ELOVL7: variants seen among roughly 807,000 people sequenced by gnomAD.
The protein encoded by ELOVL7 is very long chain fatty acid elongase 7.
In ELOVL7, 27 loss-of-function variants were observed where a neutral mutation model predicts 35.7. The observed-to-expected ratio is 0.76, with a 90% CI of 0.56 to 1.04. The LOEUF is 1.04. Among genes scored for constraint, ELOVL7 ranks in the 50% least tolerant of loss-of-function variants. ELOVL7 has a pLI of 0.00. For missense variants in ELOVL7, 327 were observed against 340.8 expected (o/e 0.96, Z 0.32); for synonymous variants, 113 against 114.6 (o/e 0.99, Z 0.09).
At chr5:60,768,294 C>T (rs1298497102) in intron 4 of ELOVL7, among the ~76,000 whole-genome samples, 1 of 152,134 alleles carries the variant, frequency 6.6e-6, no homozygotes, top group African/African-American at 2.4e-5. Flanking sequence ...ACACTTGGAT[C>T]TGAATCAGTC....
At chr5:60,771,059 T>G (rs1742555874) in intron 4 of ELOVL7, among the ~76,000 whole-genome samples, 1 of 152,174 alleles carries the variant, frequency 6.6e-6, no homozygotes, top group Non-Finnish European at 1.5e-5. Context: ...CAGGTCAGAA[T>G]GCATGTGGAG....
intron 8 of ELOVL7, 71 bp from the exon 9 acceptor site, chr5:60,754,904 T>A (rs1741444889): frequency 1.5e-6 from 2 of 1,311,978 alleles, no homozygotes; most frequent in Non-Finnish European, 1.1e-6. Flanking sequence ...TACCTATGTT[T>A]ATGCACTCCC....
At chr5:60,770,053 G>GAA (rs5868255) in intron 4 of ELOVL7, among the ~76,000 whole-genome samples, 37 of 126,396 alleles carry the variant, frequency 2.9e-4, no homozygotes, top group South Asian at 1.0e-3. Context: ...CCTTTCTGGT[G>GAA]AAAAAAAAAA....
chr5:60,841,232 G>A (rs1005773214), intron 1 of ELOVL7, among the ~76,000 whole-genome samples: 1 of 151,922 alleles, frequency 6.6e-6, no homozygotes, highest in Non-Finnish European at 1.5e-5. Flanking sequence ...CACCATTTTG[G>A]CCAGGCTGGT....
intron 8 of ELOVL7, among the ~76,000 whole-genome samples, chr5:60,756,550 C>T (rs1469743493): frequency 1.3e-5 from 2 of 152,094 alleles, no homozygotes; most frequent in African/African-American, 4.8e-5. Flanking sequence ...TATGATTGGT[C>T]ATTTAGTTTG....
At chr5:60,829,465 G>T (rs1176930827) in intron 1 of ELOVL7, among the ~76,000 whole-genome samples, 1 of 152,130 alleles carries the variant, frequency 6.6e-6, no homozygotes, top group Non-Finnish European at 1.5e-5. Flanking sequence ...TTACATGGAA[G>T]ATTTTTGCAT....
intron 1 of ELOVL7, among the ~76,000 whole-genome samples, chr5:60,802,390 T>C (rs1327552069): frequency 1.3e-5 from 2 of 152,048 alleles, no homozygotes; most frequent in African/African-American, 4.8e-5. Flanking sequence ...CATAAATCAT[T>C]CTCAGACATG....
At chr5:60,821,862 G>A (rs1745908220) in intron 1 of ELOVL7, among the ~76,000 whole-genome samples, 1 of 152,200 alleles carries the variant, frequency 6.6e-6, no homozygotes, top group Non-Finnish European at 1.5e-5. Context: ...GAATTTGTGA[G>A]GTGAGTCACA....
intron 3 of ELOVL7, among the ~76,000 whole-genome samples, chr5:60,780,190 G>A (rs1743158529): frequency 1.4e-5 from 2 of 147,668 alleles, no homozygotes; most frequent in Admixed American, 1.4e-4. Context: ...TACGATCTCG[G>A]CTCACTGCAA....
intron 1 of ELOVL7, among the ~76,000 whole-genome samples, chr5:60,804,584 C>A (rs1012120095): frequency 6.6e-6 from 1 of 152,168 alleles, no homozygotes; most frequent in Admixed American, 6.5e-5. Flanking sequence ...TGGGAAGTCT[C>A]TCTATCAGAA....
intron 8 of ELOVL7, among the ~76,000 whole-genome samples, chr5:60,755,899 C>A (rs1030922773): frequency 2.0e-5 from 3 of 152,156 alleles, no homozygotes; most frequent in African/African-American, 7.2e-5. Flanking sequence ...AAATAGACAA[C>A]AATTACTCAC....
At chr5:60,782,286 T>C (rs1460180481) in intron 3 of ELOVL7, among the ~76,000 whole-genome samples, 2 of 152,180 alleles carry the variant, frequency 1.3e-5, no homozygotes, top group African/African-American at 4.8e-5. Flanking sequence ...AGAGAACCCT[T>C]GTACAATGTT....
At chr5:60,819,040 G>GCA (rs2112345608) in intron 1 of ELOVL7, among the ~76,000 whole-genome samples, 1 of 104 alleles carries the variant, frequency 9.6e-3, no homozygotes. Context: ...GGAGGGGAGG[G>GCA]GAGGGGAGGG....
chr5:60,792,999 T>C (rs1030752326), intron 2 of ELOVL7, among the ~76,000 whole-genome samples: 3 of 152,194 alleles, frequency 2.0e-5, no homozygotes, highest in Non-Finnish European at 2.9e-5. Flanking sequence ...AGTCTCAACA[T>C]GGTCCACACA....
intron 1 of ELOVL7, among the ~76,000 whole-genome samples, chr5:60,803,212 A>G (rs898572840): frequency 6.6e-6 from 1 of 152,228 alleles, no homozygotes. Context: ...TATATTTACC[A>G]TTCCATCCCA....
chr5:60,829,291 C>G (rs1157476708), intron 1 of ELOVL7, among the ~76,000 whole-genome samples: 1 of 152,074 alleles, frequency 6.6e-6, no homozygotes, highest in African/African-American at 2.4e-5. Flanking sequence ...AGCAGTTTAT[C>G]AAAATGTTAG....
chr5:60,832,232 A>G (rs1465283845), intron 1 of ELOVL7, among the ~76,000 whole-genome samples: 3 of 152,242 alleles, frequency 2.0e-5, no homozygotes, highest in Non-Finnish European at 4.4e-5. Flanking sequence ...AATTTAGAGC[A>G]CACACAACAG....
At chr5:60,772,935 G>C (rs1020099360) in intron 3 of ELOVL7, among the ~76,000 whole-genome samples, 1 of 152,120 alleles carries the variant, frequency 6.6e-6, no homozygotes, top group Non-Finnish European at 1.5e-5. Flanking sequence ...CTGTATCACA[G>C]GATCACAGAA....
intron 2 of ELOVL7, among the ~76,000 whole-genome samples, chr5:60,787,673 G>A (rs959052797): frequency 5.9e-5 from 9 of 152,166 alleles, no homozygotes; most frequent in Non-Finnish European, 1.0e-4. Context: ...AATATTCTAT[G>A]TACAAGACTC....
Sources: allele counts gnomAD v4.1 joint callset (sites outside exome capture counted in the v4.1 genomes callset), GRCh38; gene constraint gnomAD v4.1.1; transcripts MANE v1.5; gene names NCBI Gene and HGNC (gene_info 2026-07-23, HGNC 2026-07-21).